The following EFR3A variants were observed in gnomAD, a reference collection of about 807,000 sequenced individuals.
The protein encoded by EFR3A is protein EFR3 homolog A.
Under a neutral mutation model 104.4 loss-of-function variants are expected in EFR3A, and 76 were observed. The observed-to-expected ratio is 0.73, with a 90% confidence interval of 0.60 to 0.88. EFR3A has a LOEUF of 0.88. Ranked by LOEUF, EFR3A falls within the 40% of genes least tolerant of loss-of-function variation. The pLI is 0.00. For synonymous variants in EFR3A, 330 were observed against 330.0 expected, an observed-to-expected ratio of 1.00 and a Z score of 0.00; for missense variants, 985 against 1,012.5, an observed-to-expected ratio of 0.97 and a Z score of 0.37.
At chr8:131,978,391 A>G (rs187496985) in intron 12 of EFR3A, among the ~76,000 whole-genome samples, 121 of 152,324 alleles carry the variant, frequency 7.9e-4, no homozygotes, top group African/African-American at 2.6e-3. Context: ...ATGTATTCCT[A>G]TTAACCAACT....
chr8:131,974,099 C>T (rs558103257), intron 10 of EFR3A, among the ~76,000 whole-genome samples: 1 of 152,148 alleles, frequency 6.6e-6, no homozygotes, highest in East Asian at 1.9e-4. Flanking sequence ...TTGAAATTAC[C>T]TCAGGATCTT....
intron 3 of EFR3A, among the ~76,000 whole-genome samples, chr8:131,945,633 T>A (rs1818400824): frequency 6.6e-6 from 1 of 152,094 alleles, no homozygotes; most frequent in Non-Finnish European, 1.5e-5. Context: ...AATTTTGTTT[T>A]AAATTTACCC....
Position 131,996,399 on chromosome 8 carries a change from AT to A in EFR3A, c.2066-3del. On this transcript the variant is annotated splice_polypyrimidine_tract_variant and splice_region_variant and intron_variant, in intron 18 of 22. Transcript: ENST00000254624. ...CAAATAATGGGAAGAAAACAATTTT[AT>A]TTTAGATGAAGATCGACTTTCTAGA... 6.5e-7 allele frequency: 1 copy of A among 1,549,464 alleles called. No homozygotes were observed. The highest frequency in any genetic ancestry group is 8.8e-7 in the Non-Finnish European group (1 of 1,138,230).
At chr8:131,919,831 T>C (rs1371002081) in intron 1 of EFR3A, among the ~76,000 whole-genome samples, 2 of 151,238 alleles carry the variant, frequency 1.3e-5, no homozygotes, top group East Asian at 3.9e-4. Flanking sequence ...TTTTTAACTT[T>C]TTAATTGTAA....
chr8:131,936,511 TCACATACACA>T (rs1371806024), intron 1 of EFR3A, among the ~76,000 whole-genome samples: 1 of 150,358 alleles, frequency 6.7e-6, no homozygotes, highest in Non-Finnish European at 1.5e-5. Context: ...ACACACACAC[TCACATACACA>T]CACACATGCT....
intron 7 of EFR3A, among the ~76,000 whole-genome samples, chr8:131,957,694 T>C (rs576208167): frequency 6.6e-6 from 1 of 152,044 alleles, no homozygotes; most frequent in Non-Finnish European, 1.5e-5. Context: ...TATCAAAAAC[T>C]GCTCTGGAAA....
At chr8:131,997,558 A>G (rs1821558198) in intron 19 of EFR3A, among the ~76,000 whole-genome samples, 1 of 152,082 alleles carries the variant, frequency 6.6e-6, no homozygotes, top group African/African-American at 2.4e-5. Flanking sequence ...TTGAAACTCA[A>G]CGCATTAAGT....
chr8:131,907,916 G>C (rs993558957), intron 1 of EFR3A, among the ~76,000 whole-genome samples: 1 of 151,450 alleles, frequency 6.6e-6, no homozygotes, highest in Admixed American at 6.6e-5. Flanking sequence ...TTTTTGCAGT[G>C]ACCTTTGGCT....
At chr8:132,002,485 G>C in intron 20 of EFR3A, 118 bp from the exon 21 acceptor site, 1 of 706,036 alleles carries the variant, frequency 1.4e-6, no homozygotes, top group Non-Finnish European at 2.2e-6. Context: ...TTTTCTTATA[G>C]AAGCCCTGTA....
At chr8:132,000,213 C>T (rs1044029302) in intron 19 of EFR3A, among the ~76,000 whole-genome samples, 4 of 152,130 alleles carry the variant, frequency 2.6e-5, no homozygotes, top group Admixed American at 2.6e-4. Context: ...ACTGCAAGCT[C>T]CGCCTCCCGG....
chr8:131,987,547 A>G (rs779835952), intron 17 of EFR3A, 28 bp from the exon 18 acceptor site: 6 of 1,571,814 alleles, frequency 3.8e-6, no homozygotes, highest in Non-Finnish European at 5.2e-6. Flanking sequence ...TTAATACTGA[A>G]TGATTGTTGT....
chr8:131,950,929 T>G (rs1001471346), intron 5 of EFR3A, among the ~76,000 whole-genome samples: 9 of 152,126 alleles, frequency 5.9e-5, no homozygotes, highest in African/African-American at 2.2e-4. Context: ...TGAGAAACTT[T>G]AAAGTTAAGA....
rs138580015 is a variant in EFR3A at position 131,920,370 on chromosome 8, A to G, written c.10+16048A>G. On this transcript the variant is annotated intron_variant, in intron 1 of 22. Transcript: ENST00000254624. ...GCTCTTGCTTGTGGTCTTGGTATGC[A>G]GGGAGTTTACCAGGAACTTCTTATG... 7.0e-3 allele frequency among the ~76,000 whole-genome samples: 1,061 copies of G among 152,290 alleles called. 9 individuals are homozygous for G. The highest frequency in any genetic ancestry group is 0.058 in the Middle Eastern group (17 of 294).
chr8:131,983,204 A>G (rs1553271), intron 14 of EFR3A, among the ~76,000 whole-genome samples: 1 of 152,038 alleles, frequency 6.6e-6, no homozygotes, highest in South Asian at 2.1e-4. Flanking sequence ...GTCTCTCCAC[A>G]TGGGAAAAAA....
chr8:132,010,449 T>TATATATATATA (rs1326843233), intron 22 of EFR3A, among the ~76,000 whole-genome samples: 1 of 128,398 alleles, frequency 7.8e-6, no homozygotes, highest in South Asian at 2.4e-4. Context: ...TATATATATA[T>TATATATATATA]AATGAAATAC....
At position 131,970,511 on chromosome 8, in the gene EFR3A, A is replaced by C; in HGVS notation, c.1027A>C (p.Lys343Gln). ...TVLEVFNTLLKHLRLSVEFEA... is the reference protein window; with the variant it reads ...TVLEVFNTLLQHLRLSVEFEA... ...GCTGGAAGTCTTCAATACCCTTTTGAAACATCTGCGTCTCAGCGTTGAATT... is the reference window on the plus strand; with the variant it reads ...GCTGGAAGTCTTCAATACCCTTTTGCAACATCTGCGTCTCAGCGTTGAATT... The change falls in exon 10 of 23, where the codon AAA becomes CAA. Residue 343 changes from lysine to glutamine, a missense_variant. Lys to Gln is a moderately conservative substitution (Grantham distance 53, BLOSUM62 1). Coordinates refer to ENST00000254624, the MANE Select transcript of EFR3A (RefSeq NM_015137.6). 6.2e-7 allele frequency: 1 copy of C among 1,613,906 alleles called. No individual in the cohort carries two copies. Among genetic ancestry groups the C allele is most frequent in the Non-Finnish European group, 8.5e-7 (1 of 1,179,824 alleles).
chr8:131,967,077 A>G (rs554650601), intron 8 of EFR3A, among the ~76,000 whole-genome samples: 2 of 152,324 alleles, frequency 1.3e-5, no homozygotes, highest in South Asian at 4.1e-4. Context: ...AGGCAGACTA[A>G]TAATTGCACA....
chr8:131,997,345 C>T (rs1821547993), intron 19 of EFR3A, among the ~76,000 whole-genome samples: 1 of 151,986 alleles, frequency 6.6e-6, no homozygotes. Context: ...CTGAATTATG[C>T]TTTCTCAAGC....
intron 22 of EFR3A, among the ~76,000 whole-genome samples, chr8:132,010,404 TGA>T (rs1491281104): frequency 0.062 from 3,164 of 51,354 alleles, 151 homozygotes; most frequent in East Asian, 0.15. Context: ...AAATCAAGTA[TGA>T]GATATATATA....
Sources: gnomAD v4.1 joint callset for allele counts (sites outside exome capture counted in the v4.1 genomes callset) on GRCh38, gnomAD v4.1.1 for gene constraint, MANE v1.5 for transcripts, NCBI Gene and HGNC (gene_info 2026-07-23, HGNC 2026-07-21) for gene names.